Variants in SUPV3L1 observed in about 807,000 individuals in gnomAD.
SUPV3L1 encodes Suv3 like RNA helicase.
Under a neutral mutation model 70.0 loss-of-function variants are expected in SUPV3L1, and 35 were observed. The ratio of observed to expected loss-of-function variants is 0.50; its 90% confidence interval spans 0.38 to 0.66. The LOEUF is 0.66. SUPV3L1 is among the 30% of genes least tolerant of loss of function. The pLI is 0.00. For synonymous variants in SUPV3L1, 364 were observed against 341.9 expected (o/e 1.06, Z -0.71); for missense variants, 777 against 961.5 (o/e 0.81, Z 2.54).
At chr10:69,185,162 T>C (rs1488500994) in intron 1 of SUPV3L1, among the ~76,000 whole-genome samples, 1 of 152,228 alleles carries the variant, frequency 6.6e-6, no homozygotes, top group Non-Finnish European at 1.5e-5. Flanking sequence ...TAGGAAGTTC[T>C]TGTATAAATT....
chr10:69,200,220 G>A, intron 10 of SUPV3L1, 60 bp from the exon 11 acceptor site: 1 of 1,398,602 alleles, frequency 7.2e-7, no homozygotes, highest in Non-Finnish European at 1.0e-6. Flanking sequence ...ATTATGCAAT[G>A]ACCCAAGTAT....
chr10:69,199,812 G>A (rs1347768006), intron 10 of SUPV3L1, among the ~76,000 whole-genome samples: 1 of 152,036 alleles, frequency 6.6e-6, no homozygotes, highest in Non-Finnish European at 1.5e-5. Context: ...ATCTCTAAAT[G>A]ATAACAATGT....
intron 11 of SUPV3L1, among the ~76,000 whole-genome samples, chr10:69,201,137 G>A (rs1842670018): frequency 6.6e-6 from 1 of 152,152 alleles, no homozygotes; most frequent in South Asian, 2.1e-4. Context: ...GGCTGTGCTG[G>A]AATCATTTCT....
intron 13 of SUPV3L1, 124 bp from the exon 14 acceptor site, chr10:69,207,669 A>G (rs1842865457): frequency 2.5e-6 from 3 of 1,198,088 alleles, no homozygotes; most frequent in Non-Finnish European, 3.4e-6. Context: ...GGAGAAAAGA[A>G]ACCACCTGTC....
At chr10:69,196,958 TTTAAAA>T (rs1451880411) in intron 7 of SUPV3L1, 28 bp from the exon 8 acceptor site, 7 of 1,581,536 alleles carry the variant, frequency 4.4e-6, no homozygotes, top group African/African-American at 1.3e-5. Flanking sequence ...ATTATAAATC[TTTAAAA>T]TTAAGAAACC....
At chr10:69,181,144 G>C (rs1394927226) in intron 1 of SUPV3L1, among the ~76,000 whole-genome samples, 2 of 152,212 alleles carry the variant, frequency 1.3e-5, no homozygotes, top group Admixed American at 6.5e-5. Flanking sequence ...GGTGTCCCCG[G>C]CTCCAGAGAG....
At chr10:69,196,697 G>A (rs1842553254) in intron 7 of SUPV3L1, among the ~76,000 whole-genome samples, 1 of 152,062 alleles carries the variant, frequency 6.6e-6, no homozygotes, top group Admixed American at 6.6e-5. Flanking sequence ...TAGGGTCTGT[G>A]TTCAGTACTT....
At chr10:69,186,345 GAAAAAAAA>G in intron 2 of SUPV3L1, 90 bp from the exon 3 acceptor site, 3 of 549,918 alleles carry the variant, frequency 5.5e-6, no homozygotes, top group Non-Finnish European at 9.2e-6. Flanking sequence ...AAAAAAAAAA[GAAAAAAAA>G]AGACTCTTTG....
chr10:69,189,130 C>T (rs1842316974), intron 4 of SUPV3L1, 137 bp from the exon 5 acceptor site: 3 of 864,582 alleles, frequency 3.5e-6, no homozygotes, highest in South Asian at 2.7e-5. Flanking sequence ...GATATGAAAC[C>T]CATTGTTTAG....
At chr10:69,204,094 C>T (rs1842758837) in intron 13 of SUPV3L1, among the ~76,000 whole-genome samples, 1 of 152,142 alleles carries the variant, frequency 6.6e-6, no homozygotes, top group African/African-American at 2.4e-5. Flanking sequence ...AGGTTAACTA[C>T]ATTATGGCAT....
chr10:69,181,722 G>C (rs1304480080), intron 1 of SUPV3L1, among the ~76,000 whole-genome samples: 1 of 152,076 alleles, frequency 6.6e-6, no homozygotes. Context: ...AAAGGGGGCT[G>C]AACTTATCCT....
At chr10:69,206,752 T>A (rs1378586393) in intron 13 of SUPV3L1, among the ~76,000 whole-genome samples, 1 of 152,194 alleles carries the variant, frequency 6.6e-6, no homozygotes, top group Non-Finnish European at 1.5e-5. Context: ...CTCACGCCTG[T>A]AATCCCAGCA....
intron 1 of SUPV3L1, chr10:69,182,719 G>T: frequency 1.0e-6 from 1 of 979,558 alleles, no homozygotes; most frequent in Non-Finnish European, 1.2e-6. Flanking sequence ...TGATTTTTCA[G>T]CATGGCAGGA....
intron 10 of SUPV3L1, 144 bp from the exon 11 acceptor site, chr10:69,200,136 T>G: frequency 1.5e-6 from 1 of 660,482 alleles, no homozygotes; most frequent in Non-Finnish European, 2.5e-6. Flanking sequence ...TGTGAGCCAC[T>G]GTGCCAGACT....
chr10:69,201,247 A>G (rs1842672853), intron 11 of SUPV3L1, among the ~76,000 whole-genome samples: 1 of 151,966 alleles, frequency 6.6e-6, no homozygotes, highest in Non-Finnish European at 1.5e-5. Context: ...TCCCTCCCTT[A>G]TGACTAATTT....
chr10:69,183,398 G>C (rs889145438), intron 1 of SUPV3L1, among the ~76,000 whole-genome samples: 9 of 152,274 alleles, frequency 5.9e-5, no homozygotes, highest in African/African-American at 1.7e-4. Context: ...AAAAGACTAG[G>C]CTGGGCGCAG....
rs573096464 is a variant in SUPV3L1 at position 69,194,334 on chromosome 10, C to G, written c.854-854C>G. On this transcript the variant is annotated intron_variant, in intron 6 of 14. Transcript: ENST00000359655. ...CCAGCCTGAGTAACATAGCAAGACC[C>G]TCATCTCTAAAGAAAAAAAAACCTT... is the stretch of plus-strand genomic sequence containing the variant. 2.6e-5 allele frequency among the ~76,000 whole-genome samples: 4 copies of G among 151,760 alleles called. No individual in the cohort carries two copies. In the East Asian group the frequency reaches 7.8e-4, roughly 30 times the overall value.
Position 69,180,579 on chromosome 10 carries a change from C to T in SUPV3L1, c.271+17C>T, listed in dbSNP as rs974120651. 6.2e-7 allele frequency: 1 copy of T among 1,611,512 alleles called. No individual in the cohort carries two copies. The highest frequency in any genetic ancestry group is 8.5e-7 in the Non-Finnish European group (1 of 1,178,820). On this transcript the variant is annotated intron_variant, in intron 1 of 14. Coordinates refer to ENST00000359655, the MANE Select transcript of SUPV3L1 (RefSeq NM_003171.5). ...TGGACAAGAGTGAGTGCGGGAACTACTGAGGGCGGCAGAGGGTGGTGTCTG... is the reference window on the plus strand; with the variant it reads ...TGGACAAGAGTGAGTGCGGGAACTATTGAGGGCGGCAGAGGGTGGTGTCTG...
At chr10:69,201,462 CTTA>C (rs1243983756) in intron 11 of SUPV3L1, among the ~76,000 whole-genome samples, 8 of 149,694 alleles carry the variant, frequency 5.3e-5, no homozygotes, top group African/African-American at 2.0e-4. Flanking sequence ...CTGGGTTTTT[CTTA>C]TTCATTTTAA....
Sources: allele counts gnomAD v4.1 joint callset (sites outside exome capture counted in the v4.1 genomes callset), GRCh38; gene constraint gnomAD v4.1.1; transcripts MANE v1.5; gene names NCBI Gene and HGNC (gene_info 2026-07-23, HGNC 2026-07-21).